PPP2R5E: variants seen among roughly 807,000 people sequenced by gnomAD.
PPP2R5E encodes the protein protein phosphatase 2 regulatory subunit B'epsilon.
PPP2R5E carries 4 observed loss-of-function variants against 65.3 expected under a neutral mutation model. The ratio of observed to expected loss-of-function variants is 0.06; its 90% CI spans 0.03 to 0.14. The LOEUF (loss-of-function observed/expected upper bound fraction) is 0.14, where lower values mean the gene tolerates loss of function less well. Ranked by LOEUF, PPP2R5E falls within the 10% of genes least tolerant of loss-of-function variation. The pLI is 1.00. For synonymous variants in PPP2R5E, 183 were observed against 187.4 expected (o/e 0.98, Z 0.19); for missense variants, 274 against 556.1 (o/e 0.49, Z 5.10).
At chr14:63,414,210 A>G in intron 5 of PPP2R5E, among the ~76,000 whole-genome samples, 1 of 152,180 alleles carries the variant, frequency 6.6e-6, no homozygotes. Flanking sequence ...AAGGAGGGAA[A>G]TGAGATCACA....
chr14:63,497,543 G>T (rs1891629614), intron 2 of PPP2R5E, among the ~76,000 whole-genome samples: 1 of 152,028 alleles, frequency 6.6e-6, no homozygotes, highest in South Asian at 2.1e-4. Flanking sequence ...GAGGTCAGGA[G>T]TTCGAGACCA....
At chr14:63,484,418 C>G (rs560969756) in intron 2 of PPP2R5E, among the ~76,000 whole-genome samples, 1 of 149,364 alleles carries the variant, frequency 6.7e-6, no homozygotes, top group Non-Finnish European at 1.5e-5. Flanking sequence ...AGAAGAACAC[C>G]AAGGACTTCT....
chr14:63,432,601 T>C (rs905025772), intron 3 of PPP2R5E, among the ~76,000 whole-genome samples: 4 of 152,012 alleles, frequency 2.6e-5, no homozygotes, highest in African/African-American at 9.7e-5. Flanking sequence ...TTGTTTCCAC[T>C]CTCCTTGACC....
chr14:63,495,417 C>CAAA (rs772700927), intron 2 of PPP2R5E, among the ~76,000 whole-genome samples: 1,516 of 93,202 alleles, frequency 0.016, 41 homozygotes, highest in African/African-American at 0.053. Flanking sequence ...ACTAAAAATA[C>CAAA]AAAAAAAAAA....
intron 2 of PPP2R5E, among the ~76,000 whole-genome samples, chr14:63,455,885 G>T (rs1889100405): frequency 6.6e-6 from 1 of 151,842 alleles, no homozygotes; most frequent in Non-Finnish European, 1.5e-5. Flanking sequence ...TCCTGCCTCA[G>T]CCTTCTGAGT....
chr14:63,513,507 A>T (rs1355661993), intron 2 of PPP2R5E, among the ~76,000 whole-genome samples: 2 of 152,200 alleles, frequency 1.3e-5, no homozygotes, highest in Non-Finnish European at 2.9e-5. Context: ...ATACACACTA[A>T]TGAAGGGATA....
intron 3 of PPP2R5E, among the ~76,000 whole-genome samples, chr14:63,425,559 C>T (rs1887287192): frequency 1.3e-5 from 2 of 152,222 alleles, no homozygotes; most frequent in South Asian, 4.1e-4. Context: ...GAAACAGAAA[C>T]TTCTCTTCCT....
At chr14:63,407,560 T>C (rs1346632491) in intron 5 of PPP2R5E, among the ~76,000 whole-genome samples, 1 of 151,986 alleles carries the variant, frequency 6.6e-6, no homozygotes, top group Non-Finnish European at 1.5e-5. Context: ...ATTTTTTTTA[T>C]ATAAAAAATA....
intron 2 of PPP2R5E, among the ~76,000 whole-genome samples, chr14:63,526,879 G>C (rs1893204484): frequency 6.6e-6 from 1 of 152,156 alleles, no homozygotes; most frequent in Admixed American, 6.5e-5. Flanking sequence ...TCCAAATTAA[G>C]TTTACCTAGG....
Position 63,374,555 on chromosome 14 carries a change from C to T in PPP2R5E, c.*1454G>A, listed in dbSNP as rs1883869986. The T allele has an allele frequency of 6.7e-6, 1 of 149,046 alleles. No individual in the cohort carries two copies. Among genetic ancestry groups the T allele is most frequent in the Admixed American group, 6.7e-5 (1 of 14,886 alleles). 9.2% of individuals were successfully genotyped at this position (149,046 alleles called of 1,614,324 possible). On this transcript the variant is annotated 3_prime_UTR_variant, in exon 14 of 14. Transcript: ENST00000337537. ...TGCAACTGCATTAGGTAAGTACATA[C>T]TGTACACAAATTTTATCAGCAGTTT...
chr14:63,459,673 T>C (rs780475972), intron 2 of PPP2R5E, among the ~76,000 whole-genome samples: 1 of 152,114 alleles, frequency 6.6e-6, no homozygotes, highest in African/African-American at 2.4e-5. Flanking sequence ...GTGGTGATGG[T>C]GGTGGTGGTG....
intron 2 of PPP2R5E, among the ~76,000 whole-genome samples, chr14:63,463,505 AT>A (rs1425516806): frequency 6.6e-6 from 1 of 152,120 alleles, no homozygotes; most frequent in African/African-American, 2.4e-5. Flanking sequence ...CCAAAAAAAA[AT>A]GCATTAGTTC....
Position 63,484,042 on chromosome 14 carries a change from C to G in PPP2R5E, c.158-30157G>C, listed in dbSNP as rs185811505. ...GAGGTTGCAGTAAGCCGAGATCACA[C>G]CACTGCACTCCAGCCTGGTGACAGA... On this transcript the variant is annotated intron_variant, in intron 2 of 13. Transcript: ENST00000337537. Among the ~76,000 whole-genome samples, 384 of 151,464 alleles carry G rather than the reference C, an allele frequency of 2.5e-3. 5 individuals are homozygous for G. Among genetic ancestry groups the G allele is most frequent in the Middle Eastern group, 0.014 (4 of 294 alleles).
chr14:63,422,746 A>C (rs1014943498), intron 3 of PPP2R5E, among the ~76,000 whole-genome samples: 2 of 149,666 alleles, frequency 1.3e-5, no homozygotes, highest in Non-Finnish European at 3.0e-5. Context: ...AAAAAAAAAA[A>C]AAAAAAAAAA....
chr14:63,425,328 C>T (rs562775820), intron 3 of PPP2R5E, among the ~76,000 whole-genome samples: 1 of 152,304 alleles, frequency 6.6e-6, no homozygotes, highest in African/African-American at 2.4e-5. Context: ...TCCCTTCAAC[C>T]AGCCAGCTAT....
Position 63,422,448 on chromosome 14 carries a change from C to T in PPP2R5E, c.355-354G>A, listed in dbSNP as rs530584963. ...ACATAAGAAATAAATAACTGCTGGC[C>T]GGGCGCAGTGGCTCACGCCTGTAAT... On this transcript the variant is annotated intron_variant, in intron 3 of 13. Transcript: ENST00000337537. 5.9e-5 allele frequency among the ~76,000 whole-genome samples: 9 copies of T among 152,260 alleles called. No homozygotes were observed. The South Asian group carries it at 8.3e-4, about 14-fold the overall frequency.
In PPP2R5E at chr14:63,453,697, C is replaced by T; in HGVS notation, c.346G>A (p.Val116Ile). 6.2e-7 allele frequency: 1 copy of T among 1,613,490 alleles called. No individual in the cohort carries two copies. Among genetic ancestry groups the T allele is most frequent in the Non-Finnish European group, 8.5e-7 (1 of 1,179,800 alleles). Residue 116 changes from valine (V) to isoleucine (I), a missense_variant, in exon 3 of 14, where the codon GTT becomes ATT. Transcript: ENST00000337537. ...GAAAAAAAGAAACTCACCATTCTAA[C>T]TACTTCAGGGTAAGTCTGCTCTGTC... Reference protein sequence around the residue: ...CLTEQTYPEVVRMVSCNIFRT... With the variant: ...CLTEQTYPEVIRMVSCNIFRT...
At chr14:63,510,231 A>T (rs1031253474) in intron 2 of PPP2R5E, among the ~76,000 whole-genome samples, 1 of 152,172 alleles carries the variant, frequency 6.6e-6, no homozygotes, top group Admixed American at 6.5e-5. Flanking sequence ...CCCAACAACA[A>T]TGGGACACAG....
rs1887257049 is a variant in PPP2R5E at position 63,425,055 on chromosome 14, G to A, written c.355-2961C>T. Among the ~76,000 whole-genome samples the A allele has an allele frequency of 2.0e-5, 3 of 152,232 alleles. No homozygotes were observed. The South Asian group carries it at 6.2e-4, about 32-fold the overall frequency. On this transcript the variant is annotated intron_variant, in intron 3 of 13. Transcript: ENST00000337537. Reference sequence around the variant, plus strand: ...AGCATGGGTGTTATTAAGCTCTAAGGTTACAATTAGTAACCAGCAGAGTTA... The same window carrying A: ...AGCATGGGTGTTATTAAGCTCTAAGATTACAATTAGTAACCAGCAGAGTTA...
Sources: gnomAD v4.1 joint callset for allele counts (sites outside exome capture counted in the v4.1 genomes callset) on GRCh38, gnomAD v4.1.1 for gene constraint, MANE v1.5 for transcripts, NCBI Gene and HGNC (gene_info 2026-07-23, HGNC 2026-07-21) for gene names.